The following TMEM266 variants were observed in gnomAD, a reference collection of about 807,000 sequenced individuals.
TMEM266 encodes Hv1 related protein 1.
TMEM266 carries 33 observed loss-of-function variants against 50.5 expected under a neutral mutation model. The observed-to-expected ratio is 0.65, with a 90% CI of 0.50 to 0.87. The LOEUF (loss-of-function observed/expected upper bound fraction) is 0.87, where lower values mean the gene tolerates loss of function less well. Ranked by LOEUF, TMEM266 falls within the 40% of genes least tolerant of loss-of-function variation. The pLI is 0.00. For synonymous variants in TMEM266, 310 were observed against 292.3 expected (o/e 1.06, Z -0.62); for missense variants, 655 against 695.1 (o/e 0.94, Z 0.65).
intron 3 of TMEM266, among the ~76,000 whole-genome samples, chr15:76,145,515 TTTGGCTAGAA>T (rs2037743841): frequency 6.6e-6 from 1 of 152,248 alleles, no homozygotes; most frequent in Non-Finnish European, 1.5e-5. Context: ...TTCATGTATG[TTTGGCTAGAA>T]TTGGGTCACA....
chr15:76,074,626 C>T (rs1337759394), intron 1 of TMEM266, among the ~76,000 whole-genome samples: 2 of 151,970 alleles, frequency 1.3e-5, no homozygotes, highest in East Asian at 1.9e-4. Context: ...AATTTAGGGC[C>T]TTGTAGACCA....
chr15:76,147,528 G>C (rs2037773802), intron 3 of TMEM266, among the ~76,000 whole-genome samples: 1 of 152,148 alleles, frequency 6.6e-6, no homozygotes, highest in African/African-American at 2.4e-5. Context: ...CCTTTCTCTA[G>C]CAAGTCAGCT....
chr15:76,147,284 A>G (rs1473653152), intron 3 of TMEM266, among the ~76,000 whole-genome samples: 2 of 152,208 alleles, frequency 1.3e-5, no homozygotes, highest in African/African-American at 2.4e-5. Context: ...GAACATGCCA[A>G]CTTCACTTAG....
At chr15:76,094,856 G>A (rs945002343) in intron 1 of TMEM266, among the ~76,000 whole-genome samples, 4 of 151,890 alleles carry the variant, frequency 2.6e-5, no homozygotes, top group African/African-American at 9.7e-5. Flanking sequence ...GTATTCCTAG[G>A]TATTTTATTC....
chr15:76,114,154 A>G (rs1316777297), intron 1 of TMEM266: 2 of 152,212 alleles, frequency 1.3e-5, no homozygotes, highest in African/African-American at 2.4e-5. Flanking sequence ...CAGTATAGAA[A>G]AATATAAATT....
chr15:76,071,336 A>G (rs757274435), intron 1 of TMEM266, among the ~76,000 whole-genome samples: 5 of 152,204 alleles, frequency 3.3e-5, no homozygotes, highest in African/African-American at 4.8e-5. Flanking sequence ...CACAAGATCT[A>G]TAGACAGACT....
chr15:76,117,510 A>G lies in TMEM266; in HGVS notation c.-96-16658A>G, dbSNP rs111587408. ...ACCTCCCACGTAGCCTGGGTTGCTT[A>G]TTAAGAGAGACCAAGCCGGTGTTTG... On this transcript the variant is annotated intron_variant, in intron 1 of 10. Transcript: ENST00000388942. Among the ~76,000 whole-genome samples, 113 of 152,104 alleles carry G rather than the reference A, an allele frequency of 7.4e-4. 1 individual carries two copies. Among genetic ancestry groups the G allele is most frequent in the Non-Finnish European group, 2.4e-4 (16 of 68,014 alleles).
At chr15:76,088,189 G>A (rs898855951) in intron 1 of TMEM266, among the ~76,000 whole-genome samples, 2 of 152,176 alleles carry the variant, frequency 1.3e-5, no homozygotes, top group African/African-American at 2.4e-5. Context: ...AGGTGCTGAT[G>A]ATACCAATAT....
rs368640787 is a variant in TMEM266, at chr15:76,192,007, G to A, written c.808G>A (p.Asp270Asn). The change falls in exon 9 of 11, where the codon GAC becomes AAC. Residue 270 changes from aspartate (D) to asparagine (N), a missense_variant. Coordinates refer to ENST00000388942, the MANE Select transcript of TMEM266 (RefSeq NM_152335.3). ...GCTGCGCGCGCACCTGGCGCAGCAG[G>A]ACCTGGACCTGGCTGCCGAGCGCGA... 102 of 1,580,244 alleles carry A rather than the reference G, an allele frequency of 6.5e-5. No homozygotes were observed. The highest frequency in any genetic ancestry group is 7.6e-5 in the Non-Finnish European group (89 of 1,167,942).
intron 4 of TMEM266, 148 bp downstream of exon 4, chr15:76,156,906 TG>T: frequency 1.3e-6 from 1 of 797,904 alleles, no homozygotes; most frequent in Non-Finnish European, 2.0e-6. Context: ...CTCATGGGGA[TG>T]GCCGCTGGGG....
At chr15:76,199,207 G>A (rs542259353) in intron 9 of TMEM266, among the ~76,000 whole-genome samples, 32 of 152,332 alleles carry the variant, frequency 2.1e-4, no homozygotes, top group African/African-American at 6.5e-4. Context: ...AGATGGAGGC[G>A]GATGGAGAAA....
rs2038271780 is a variant in TMEM266, at chr15:76,176,052, T to A, written c.768+378T>A. ...CTGAGGGTTGCTGGGCACCATGGTA[T>A]GCCCATTGCCACGCGGGACGCCCAG... On this transcript the variant is annotated intron_variant, in intron 8 of 10. Transcript: ENST00000388942. 1.6e-5 allele frequency: 3 copies of A among 183,902 alleles called. No homozygotes were observed. The South Asian group carries it at 3.6e-4, about 22-fold the overall frequency. 11.4% of individuals were successfully genotyped at this position (183,902 alleles called of 1,614,324 possible). A position where few individuals can be genotyped will look rare whatever the true frequency, so the allele number is the denominator to read the frequency against.
intron 1 of TMEM266, among the ~76,000 whole-genome samples, chr15:76,111,752 A>G (rs2405419): frequency 0.4 from 61,263 of 152,110 alleles, 13,387 homozygotes; most frequent in East Asian, 0.61. Flanking sequence ...CTCTTACCAT[A>G]TGAGCTAGTA....
chr15:76,121,779 T>A (rs2037350613), intron 1 of TMEM266, among the ~76,000 whole-genome samples: 1 of 152,198 alleles, frequency 6.6e-6, no homozygotes, highest in South Asian at 2.1e-4. Flanking sequence ...GCGTGAGGAA[T>A]CATTAGTTAA....
At chr15:76,077,790 GA>G (rs748088179) in intron 1 of TMEM266, among the ~76,000 whole-genome samples, 119 of 152,178 alleles carry the variant, frequency 7.8e-4, no homozygotes, top group Admixed American at 2.1e-3. Flanking sequence ...ACGACACCTT[GA>G]TTTTGGACCT....
At chr15:76,138,642 A>T (rs1372989611) in intron 3 of TMEM266, among the ~76,000 whole-genome samples, 2 of 152,250 alleles carry the variant, frequency 1.3e-5, no homozygotes, top group Non-Finnish European at 2.9e-5. Flanking sequence ...GAACATGCTT[A>T]GGATGTAAGG....
intron 9 of TMEM266, among the ~76,000 whole-genome samples, chr15:76,194,263 T>C (rs1003065515): frequency 1.3e-5 from 2 of 152,258 alleles, no homozygotes; most frequent in Non-Finnish European, 2.9e-5. Context: ...CAGGGCTTGG[T>C]AGGTCCTGAT....
At chr15:76,154,514 C>A (rs541661295) in intron 3 of TMEM266, among the ~76,000 whole-genome samples, 33 of 152,204 alleles carry the variant, frequency 2.2e-4, no homozygotes, top group African/African-American at 7.9e-4. Context: ...TTCTGCTTGT[C>A]CCTTAATGGA....
intron 3 of TMEM266, among the ~76,000 whole-genome samples, chr15:76,142,258 G>T (rs982664486): frequency 6.6e-6 from 1 of 152,170 alleles, no homozygotes; most frequent in Non-Finnish European, 1.5e-5. Context: ...GTGTGGTGGC[G>T]CATGCCTGTA....
Sources: gnomAD v4.1 joint callset for allele counts (sites outside exome capture counted in the v4.1 genomes callset) on GRCh38, gnomAD v4.1.1 for gene constraint, MANE v1.5 for transcripts, NCBI Gene and HGNC (gene_info 2026-07-23, HGNC 2026-07-21) for gene names.